CLC: variants seen among roughly 807,000 people sequenced by gnomAD.
CLC encodes galectin-10.
Under a neutral mutation model 13.9 loss-of-function variants are expected in CLC, and 15 were observed. The observed-to-expected ratio is 1.08, with a 90% CI of 0.72 to 1.66. The LOEUF (loss-of-function observed/expected upper bound fraction) is 1.66. CLC is among the 40% of genes most tolerant of loss of function. CLC has a pLI of 0.00. For missense variants in CLC, 161 were observed against 169.1 expected, an observed-to-expected ratio of 0.95 and a Z score of 0.27; for synonymous variants, 68 against 59.9, an observed-to-expected ratio of 1.14 and a Z score of -0.63.
Position 39,731,374 on chromosome 19 carries a change from G to A in CLC, c.*6C>T, listed in dbSNP as rs746479113. On this transcript the variant is annotated 3_prime_UTR_variant, in exon 4 of 4. Transcript: ENST00000221804. ...GACAGGGATTCCTTGGCAACATGAA[G>A]TCTGGTTATCTCTTTAAATAGCTGA... 7.4e-6 allele frequency: 12 copies of A among 1,612,938 alleles called. No homozygotes were observed. In the East Asian group the frequency reaches 2.0e-4, roughly 27 times the overall value.
At chr19:39,732,861 C>G (rs7249381) in intron 3 of CLC, among the ~76,000 whole-genome samples, 1 of 142,642 alleles carries the variant, frequency 7.0e-6, no homozygotes, top group African/African-American at 2.6e-5. Flanking sequence ...GGACATAGGC[C>G]TGGGCAAGGA....
chr19:39,732,127 T>A (rs1260491765), intron 3 of CLC, among the ~76,000 whole-genome samples: 1 of 144,116 alleles, frequency 6.9e-6, no homozygotes, highest in African/African-American at 2.6e-5. Flanking sequence ...CATGTGCACA[T>A]TGTGCAGGTT....
In CLC at chr19:39,735,016, GC is replaced by G; in HGVS notation, c.72del (p.Arg25AspfsTer7). ...ACTCACAAGAAACAGGCAAGTGGTC[GC>G]CCTTTGATTGTCACAGTAGAACCAG... ...LSTGSTVTIK[G>X]RPLACFLNEP... On this transcript the variant is annotated frameshift_variant, in exon 2 of 4. Coordinates refer to ENST00000221804, the MANE Select transcript of CLC (RefSeq NM_001828.6). LOFTEE classifies it high-confidence loss of function. The G allele has an allele frequency of 6.2e-7, 1 of 1,613,068 alleles. No individual in the cohort carries two copies.
intron 1 of CLC, among the ~76,000 whole-genome samples, chr19:39,737,100 T>C (rs1199266661): frequency 6.6e-6 from 1 of 151,718 alleles, no homozygotes; most frequent in Non-Finnish European, 1.5e-5. Context: ...TGTCCTTCTC[T>C]AGCATCCTGG....
At chr19:39,732,132 C>A (rs1350601039) in intron 3 of CLC, among the ~76,000 whole-genome samples, 1 of 140,092 alleles carries the variant, frequency 7.1e-6, no homozygotes, top group Non-Finnish European at 1.5e-5. Flanking sequence ...GCACATTGTG[C>A]AGGTTAGTTA....
At chr19:39,732,228 C>T (rs1215169446) in intron 3 of CLC, among the ~76,000 whole-genome samples, 1 of 85,156 alleles carries the variant, frequency 1.2e-5, no homozygotes, top group Admixed American at 1.3e-4. Context: ...CTATCCCTCC[C>T]CCCTCCCCCC....
intron 3 of CLC, among the ~76,000 whole-genome samples, chr19:39,733,512 G>A (rs1967258867): frequency 1.3e-5 from 2 of 152,192 alleles, no homozygotes; most frequent in Admixed American, 6.5e-5. Context: ...TAACATTTGT[G>A]AGAGCAAAAC....
At chr19:39,733,836 G>GAGA (rs10636410) in intron 3 of CLC, 336,547 of 509,924 alleles carry the variant, frequency 0.66, 113,970 homozygotes, top group African/African-American at 0.76. Context: ...ATTGAGGAGT[G>GAGA]AGAAGTCTTC....
chr19:39,736,243 CGAACAGGAAA>C (rs1338002709), intron 1 of CLC, among the ~76,000 whole-genome samples: 1 of 149,926 alleles, frequency 6.7e-6, no homozygotes, highest in Non-Finnish European at 1.5e-5. Flanking sequence ...GAGAGGGAAA[CGAACAGGAAA>C]GAACAGGAAA....
At chr19:39,734,255 G>A (rs373288158) in intron 3 of CLC, 28 bp downstream of exon 3, 45 of 1,604,792 alleles carry the variant, frequency 2.8e-5, no homozygotes, top group African/African-American at 2.8e-4. Flanking sequence ...CATGGAAGCC[G>A]GGTGCGGGGA....
At chr19:39,732,653 G>A (rs1412015347) in intron 3 of CLC, among the ~76,000 whole-genome samples, 5 of 136,888 alleles carry the variant, frequency 3.7e-5, no homozygotes, top group African/African-American at 1.1e-4. Flanking sequence ...CTGAGGAATC[G>A]CCACACTGAC....
At chr19:39,735,354 A>G (rs1600847046) in intron 1 of CLC, among the ~76,000 whole-genome samples, 1 of 152,184 alleles carries the variant, frequency 6.6e-6, no homozygotes, top group East Asian at 1.9e-4. Flanking sequence ...GACAGGGTCT[A>G]ATTGAATCAC....
intron 2 of CLC, 47 bp from the exon 3 acceptor site, chr19:39,734,540 C>T (rs1568501005): frequency 6.8e-7 from 1 of 1,480,396 alleles, no homozygotes; most frequent in Non-Finnish European, 9.4e-7. Context: ...TCTTGTGGGG[C>T]ACACACAAGA....
chr19:39,737,629 ACACACC>A (rs1175826787), intron 1 of CLC, among the ~76,000 whole-genome samples: 1 of 152,066 alleles, frequency 6.6e-6, no homozygotes, highest in African/African-American at 2.4e-5. Context: ...ACAATCACTT[ACACACC>A]CACCCATATC....
intron 1 of CLC, among the ~76,000 whole-genome samples, chr19:39,735,531 G>T (rs1967295219): frequency 6.6e-6 from 1 of 152,058 alleles, no homozygotes; most frequent in African/African-American, 2.4e-5. Context: ...GCCCAGGCTG[G>T]TCTGGAGCAT....
At position 39,735,057 on chromosome 19, in the gene CLC, G is replaced by T. The variant is rs752685201; in HGVS notation, c.32C>A (p.Ala11Asp). Residue 11 changes from alanine to aspartate, a missense_variant, in exon 2 of 4, where the codon GCT becomes GAT. Coordinates refer to ENST00000221804, the MANE Select transcript of CLC (RefSeq NM_001828.6). The stretch of plus-strand genomic sequence containing the variant: ...AGTAGAACCAGTAGACAAAGAGGCA[G>T]CCTCTGTGTATGGCACCTGCCAGGG... MSLLPVPYTE[A>D]ASLSTGSTVT... 1 of 1,613,852 alleles carries T rather than the reference G, an allele frequency of 6.2e-7. No individual in the cohort carries two copies. Among genetic ancestry groups the T allele is most frequent in the East Asian group, 2.2e-5 (1 of 44,860 alleles).
chr19:39,737,787 A>T, intron 1 of CLC, 151 bp downstream of exon 1: 1 of 754,534 alleles, frequency 1.3e-6, no homozygotes, highest in Non-Finnish European at 2.2e-6. Context: ...AGCATCTCAG[A>T]TACCATAGCC....
chr19:39,733,469 T>A (rs1344900494), intron 3 of CLC, among the ~76,000 whole-genome samples: 4 of 152,140 alleles, frequency 2.6e-5, no homozygotes, highest in African/African-American at 9.7e-5. Context: ...AAGTTGGCAA[T>A]GAAAAAAGGG....
chr19:39,734,402 C>T lies in CLC; in HGVS notation c.184G>A (p.Val62Met). The T allele has an allele frequency of 6.2e-7, 1 of 1,614,142 alleles. No individual in the cohort carries two copies. Among genetic ancestry groups the T allele is most frequent in the Non-Finnish European group, 8.5e-7 (1 of 1,179,982 alleles). Reference protein sequence around the residue: ...FHFQVCFGRRVVMNSREYGAW... With the variant: ...FHFQVCFGRRMVMNSREYGAW... ...CCATACTCACGGCTGTTCATGACCA[C>T]ACGACGACCAAAGCACACTTGGAAA... Residue 62 changes from valine to methionine, a missense_variant, in exon 3 of 4, where the codon GTG becomes ATG. Coordinates refer to ENST00000221804, the MANE Select transcript of CLC (RefSeq NM_001828.6).
Sources: gnomAD v4.1 joint callset for allele counts (sites outside exome capture counted in the v4.1 genomes callset) on GRCh38, gnomAD v4.1.1 for gene constraint, MANE v1.5 for transcripts, NCBI Gene and HGNC (gene_info 2026-07-23, HGNC 2026-07-21) for gene names.